The following PRKACA variants were observed in gnomAD, a reference collection of about 807,000 sequenced individuals.
PRKACA encodes the protein protein kinase cAMP-activated catalytic subunit alpha.
Under a neutral mutation model 45.8 loss-of-function variants are expected in PRKACA, and 9 were observed. The ratio of observed to expected loss-of-function variants is 0.20; its 90% CI spans 0.12 to 0.34. PRKACA has a LOEUF of 0.34. Among genes scored for constraint, PRKACA ranks in the 10% least tolerant of loss-of-function variants. The pLI is 1.00. For synonymous variants in PRKACA, 160 were observed against 178.6 expected (o/e 0.90, Z 0.83); for missense variants, 238 against 458.6 (o/e 0.52, Z 4.39).
rs41296244 is a variant in PRKACA, at chr19:14,115,738, A to G, written c.46+1764T>C. On this transcript the variant is annotated intron_variant, in intron 1 of 9. Coordinates refer to ENST00000308677, the MANE Select transcript of PRKACA (RefSeq NM_002730.4). Reference sequence around the variant, plus strand: ...CTTGTGTGGCTTTCCACCCCCCACCACATGTGTCTGATAGCCTTGAAGGTT... The same window carrying G: ...CTTGTGTGGCTTTCCACCCCCCACCGCATGTGTCTGATAGCCTTGAAGGTT... Among the ~76,000 whole-genome samples the G allele has an allele frequency of 3.7e-3, 570 of 152,046 alleles. 5 individuals are homozygous for G. The highest frequency in any genetic ancestry group is 0.013 in the African/African-American group (549 of 41,452).
Position 14,100,920 on chromosome 19 carries a change from A to T in PRKACA, c.337-12T>A. On this transcript the variant is annotated splice_polypyrimidine_tract_variant and intron_variant, in intron 4 of 9. Transcript: ENST00000308677. ...AAGTTTGAGTTGTCCTGTGGGAAGC[A>T]GTGGCTGGTCAAGGGCCCACCCCTG... The T allele has an allele frequency of 6.2e-7, 1 of 1,613,502 alleles. No individual in the cohort carries two copies. Among genetic ancestry groups the T allele is most frequent in the African/African-American group, 1.3e-5 (1 of 75,060 alleles).
Position 14,092,956 on chromosome 19 carries a change from G to A in PRKACA, c.*156C>T. The A allele has an allele frequency of 1.1e-6, 1 of 933,234 alleles. No individual in the cohort carries two copies. The highest frequency in any genetic ancestry group is 1.5e-6 in the Non-Finnish European group (1 of 659,132). 57.8% of individuals were successfully genotyped at this position (933,234 alleles called of 1,614,324 possible). A position where few individuals can be genotyped will look rare whatever the true frequency, so the allele number is the denominator to read the frequency against. ...TGTTTCTGTCCCTCTGATTATCTGG[G>A]CTTCCTGCTCCCCCTAACCCTGGAG... On this transcript the variant is annotated 3_prime_UTR_variant, in exon 10 of 10. Coordinates refer to ENST00000308677, the MANE Select transcript of PRKACA (RefSeq NM_002730.4).
intron 3 of PRKACA, among the ~76,000 whole-genome samples, chr19:14,106,177 C>A (rs577036185): frequency 3.1e-4 from 47 of 152,004 alleles, no homozygotes; most frequent in Middle Eastern, 3.4e-3. Flanking sequence ...CAGCAAGACC[C>A]CCTGTCTAAA....
At chr19:14,116,912 T>C (rs4480919) in intron 1 of PRKACA, among the ~76,000 whole-genome samples, 148,690 of 151,286 alleles carry the variant, frequency 0.98, 73,082 homozygotes, top group East Asian at 1. Context: ...AAGAAAAAAA[T>C]AATGCTGGAG....
At chr19:14,114,026 A>C in intron 1 of PRKACA, 1 of 1,305,948 alleles carries the variant, frequency 7.7e-7, no homozygotes, top group South Asian at 1.3e-5. Flanking sequence ...CCAGGGGTTC[A>C]CATCCTTCTT....
At position 14,097,974 on chromosome 19, in the gene PRKACA, A is replaced by G; in HGVS notation, c.420-84T>C. 1 of 1,545,128 alleles carries G rather than the reference A, an allele frequency of 6.5e-7. No individual in the cohort carries two copies. The highest frequency in any genetic ancestry group is 1.2e-5 in the South Asian group (1 of 85,770). Reference sequence around the variant, plus strand: ...GGTGGCCCTGCAGAGCCTACCCCAGAGGAAGACACCTCCAGTCCAGCCGTC... The same window carrying G: ...GGTGGCCCTGCAGAGCCTACCCCAGGGGAAGACACCTCCAGTCCAGCCGTC... On this transcript the variant is annotated intron_variant, in intron 5 of 9. Coordinates refer to ENST00000308677, the MANE Select transcript of PRKACA (RefSeq NM_002730.4). This position sits in a 1 kb window ranked among gnomAD's most constrained non-coding sequence, Gnocchi z 5.4.
rs112590532 is a variant in PRKACA at position 14,099,270 on chromosome 19, T to C, written c.420-1380A>G. On this transcript the variant is annotated intron_variant, in intron 5 of 9. Coordinates refer to ENST00000308677, the MANE Select transcript of PRKACA (RefSeq NM_002730.4). ...TCGTGCCACTGCACTCCAGCCTGGGTGACAAGAGTGAAACTCTGTCTCAAA... is the reference window on the plus strand; with the variant it reads ...TCGTGCCACTGCACTCCAGCCTGGGCGACAAGAGTGAAACTCTGTCTCAAA... Among the ~76,000 whole-genome samples, 1,115 of 152,310 alleles carry C rather than the reference T, an allele frequency of 7.3e-3. 18 individuals are homozygous for C. Among genetic ancestry groups the C allele is most frequent in the African/African-American group, 0.026 (1,061 of 41,550 alleles).
rs866239921 is a variant in PRKACA at position 14,098,816 on chromosome 19, A to G, written c.420-926T>C. On this transcript the variant is annotated intron_variant, in intron 5 of 9. Transcript: ENST00000308677. ...GCCTCCACCTCTGTATGTTATTGGAAAAAAAAAAAAAAAAAAAAGGGATTC... is the reference window on the plus strand; with the variant it reads ...GCCTCCACCTCTGTATGTTATTGGAGAAAAAAAAAAAAAAAAAAGGGATTC... Among the ~76,000 whole-genome samples the G allele has an allele frequency of 6.0e-3, 762 of 126,882 alleles. 6 individuals are homozygous for G. The highest frequency in any genetic ancestry group is 0.031 in the African/African-American group (732 of 23,694). 83.2% of individuals were successfully genotyped at this position (126,882 alleles called of 152,430 possible).
chr19:14,115,654 C>A (rs560173824), intron 1 of PRKACA, among the ~76,000 whole-genome samples: 77 of 152,298 alleles, frequency 5.1e-4, no homozygotes, highest in African/African-American at 1.8e-3. Context: ...CTGACCTGTG[C>A]TCTGAGAGAA....
In PRKACA at chr19:14,092,854, G is replaced by C. The variant is rs1325735782; in HGVS notation, c.*258C>G. The C allele has an allele frequency of 6.1e-5, 31 of 512,264 alleles. No individual in the cohort carries two copies. The highest frequency in any genetic ancestry group is 9.3e-5 in the Non-Finnish European group (27 of 290,620). 31.7% of individuals were successfully genotyped at this position (512,264 alleles called of 1,614,324 possible). A position where few individuals can be genotyped will look rare whatever the true frequency, so the allele number is the denominator to read the frequency against. On this transcript the variant is annotated 3_prime_UTR_variant, in exon 10 of 10. Coordinates refer to ENST00000308677, the MANE Select transcript of PRKACA (RefSeq NM_002730.4). ...AGTGGGCTGGGAGGGCTGAGGGGCT[G>C]GGGGGCTGTGGGGAAAGAGGAAGGG...
chr19:14,097,496 G>C lies in PRKACA; in HGVS notation c.643-13C>G, dbSNP rs182081185. The C allele has an allele frequency of 4.3e-6, 7 of 1,613,774 alleles. No individual in the cohort carries two copies. Among genetic ancestry groups the C allele is most frequent in the African/African-American group, 2.7e-5 (2 of 74,886 alleles). On this transcript the variant is annotated splice_polypyrimidine_tract_variant and intron_variant, in intron 7 of 9. Transcript: ENST00000308677. The surrounding 1 kb of genome is among the most constrained non-coding windows in gnomAD (Gnocchi z 5.4). ...CCTTGTTGTAGCCCTGGAGCAAGAT[G>C]GGGGGGCACAGGGTGAGGAGGAGGC...
At position 14,093,075 on chromosome 19, in the gene PRKACA, A is replaced by G; in HGVS notation, c.*37T>C. 1.4e-6 allele frequency: 2 copies of G among 1,461,956 alleles called. No individual in the cohort carries two copies. Among genetic ancestry groups the G allele is most frequent in the Non-Finnish European group, 1.8e-6 (2 of 1,097,938 alleles). 90.6% of individuals were successfully genotyped at this position (1,461,956 alleles called of 1,614,324 possible). Reference sequence around the variant, plus strand: ...ACCCCCCCGACCAAAAAAAAGAAAAAAGAAAAAAGAAAACCCATGGGGGCA... The same window carrying G: ...ACCCCCCCGACCAAAAAAAAGAAAAGAGAAAAAAGAAAACCCATGGGGGCA... On this transcript the variant is annotated 3_prime_UTR_variant, in exon 10 of 10. Coordinates refer to ENST00000308677, the MANE Select transcript of PRKACA (RefSeq NM_002730.4).
At chr19:14,115,872 TC>T (rs200937294) in intron 1 of PRKACA, among the ~76,000 whole-genome samples, 192 of 149,618 alleles carry the variant, frequency 1.3e-3, no homozygotes, top group Middle Eastern at 3.4e-3. Context: ...GCCTGACTCC[TC>T]CCCCCCCGGC....
At chr19:14,111,443 G>A (rs774666162) in intron 1 of PRKACA, among the ~76,000 whole-genome samples, 2 of 151,920 alleles carry the variant, frequency 1.3e-5, no homozygotes, top group South Asian at 2.1e-4. Context: ...GAGAGAGACC[G>A]TGGCCAAGAA....
At chr19:14,114,127 G>C (rs777098195) in intron 1 of PRKACA, 1 of 1,610,700 alleles carries the variant, frequency 6.2e-7, no homozygotes, top group South Asian at 1.1e-5. Flanking sequence ...ACAGGACTCA[G>C]CCTCACCATC....
intron 1 of PRKACA, among the ~76,000 whole-genome samples, chr19:14,115,333 T>A (rs1364026891): frequency 6.6e-6 from 1 of 152,234 alleles, no homozygotes; most frequent in Admixed American, 6.5e-5. Flanking sequence ...AAACTTTTAT[T>A]ATTTTAAATT....
chr19:14,097,347 C>T lies in PRKACA; in HGVS notation c.765+14G>A. The T allele has an allele frequency of 6.2e-7, 1 of 1,614,108 alleles. No individual in the cohort carries two copies. The highest frequency in any genetic ancestry group is 8.5e-7 in the Non-Finnish European group (1 of 1,180,018). On this transcript the variant is annotated intron_variant, in intron 8 of 9. Coordinates refer to ENST00000308677, the MANE Select transcript of PRKACA (RefSeq NM_002730.4). This position sits in a 1 kb window ranked among gnomAD's most constrained non-coding sequence, Gnocchi z 5.4. ...TGTTTCTTCCAGGGCTGTGTCCCCA[C>T]ATCCGGACCTCACCTTCCCAGAGAC...
rs370452277 is a variant in PRKACA at position 14,114,181 on chromosome 19, G to A, written c.46+3321C>T. ...CACTCAGTCCTGTTCTCAGGGCACC[G>A]GCACTACGGTGGCTGGGAAGGCTCA... On this transcript the variant is annotated intron_variant, in intron 1 of 9. Coordinates refer to ENST00000308677, the MANE Select transcript of PRKACA (RefSeq NM_002730.4). The A allele has an allele frequency of 2.1e-5, 34 of 1,608,688 alleles. No homozygotes were observed. In the Admixed American group the frequency reaches 3.9e-4, roughly 18 times the overall value.
chr19:14,114,176 G>C, intron 1 of PRKACA: 1 of 1,609,446 alleles, frequency 6.2e-7, no homozygotes. Context: ...TGTTCTCAGG[G>C]CACCGGCACT....
Sources: gnomAD v4.1 joint callset for allele counts (sites outside exome capture counted in the v4.1 genomes callset) on GRCh38, gnomAD v4.1.1 for gene constraint, Gnocchi (gnomAD v3.1) non-coding constraint, MANE v1.5 for transcripts, NCBI Gene and HGNC (gene_info 2026-07-23, HGNC 2026-07-21) for gene names.